GLIS3: variants seen among roughly 807,000 people sequenced by gnomAD.
GLIS3 encodes zinc finger protein GLIS3.
A neutral mutation model predicts 78.6 loss-of-function variants in GLIS3; 53 were observed. The observed-to-expected ratio is 0.67, with a 90% CI of 0.54 to 0.85. GLIS3 has a LOEUF of 0.85. Among genes scored for constraint, GLIS3 ranks in the 40% least tolerant of loss-of-function variants. The pLI is 0.00. For synonymous variants in GLIS3, 684 were observed against 509.9 expected (o/e 1.34, Z -4.60); for missense variants, 1,703 against 1,231.1 (o/e 1.38, Z -5.74).
At chr9:4,461,992 A>G in the GLIS3 span, among the ~76,000 whole-genome samples, 1 of 152,240 alleles carries the variant, frequency 6.6e-6, no homozygotes, top group East Asian at 1.9e-4. Flanking sequence ...AAAAACTATA[A>G]GATCTACAAA....
At chr9:4,317,404 G>A (rs902256184) in intron 2 of GLIS3, among the ~76,000 whole-genome samples, 4 of 152,100 alleles carry the variant, frequency 2.6e-5, no homozygotes, top group Admixed American at 6.5e-5. Context: ...CACATTTCCC[G>A]AGACATTCTT....
Position 3,943,003 on chromosome 9 carries a change from GA to G in GLIS3, c.1711-5815del, listed in dbSNP as rs1005213807. On this transcript the variant is annotated intron_variant, in intron 4 of 10. Transcript: ENST00000381971. Reference sequence around the variant, plus strand: ...TAAAATTTAGGTGGGAAGATAATAGGAAAAAAAAAAAGTAGAAGAAAGGTCA... The same window carrying G: ...TAAAATTTAGGTGGGAAGATAATAGGAAAAAAAAAAGTAGAAGAAAGGTCA... Among the ~76,000 whole-genome samples, 828 of 144,778 alleles carry G rather than the reference GA, an allele frequency of 5.7e-3. 6 individuals are homozygous for G. Among genetic ancestry groups the G allele is most frequent in the African/African-American group, 0.019 (757 of 39,860 alleles). The allele number at this position is 144,778 out of a possible 152,430, so 95.0% of individuals were successfully genotyped here.
chr9:3,978,607 C>T (rs1818974547), intron 4 of GLIS3, among the ~76,000 whole-genome samples: 1 of 151,592 alleles, frequency 6.6e-6, no homozygotes, highest in Non-Finnish European at 1.5e-5. Context: ...GATTATTTTG[C>T]AATGTTATGT....
intron 2 of GLIS3, among the ~76,000 whole-genome samples, chr9:4,171,225 T>C (rs1816345312): frequency 6.6e-6 from 1 of 152,204 alleles, no homozygotes; most frequent in African/African-American, 2.4e-5. Flanking sequence ...AAGTACACTC[T>C]TCACCATAAC....
At chr9:3,932,553 T>G in intron 5 of GLIS3, 83 bp from the exon 6 acceptor site, 1 of 991,722 alleles carries the variant, frequency 1.0e-6, no homozygotes, top group Non-Finnish European at 1.6e-6. Flanking sequence ...ACTATTGACT[T>G]CAGAGCATGA....
At chr9:4,231,930 C>T (rs925206045) in intron 2 of GLIS3, among the ~76,000 whole-genome samples, 3 of 152,198 alleles carry the variant, frequency 2.0e-5, no homozygotes, top group Admixed American at 2.0e-4. Flanking sequence ...GTTAAAGCCC[C>T]ACCCTCTGAT....
intron 4 of GLIS3, among the ~76,000 whole-genome samples, chr9:4,096,738 A>T (rs1417488365): frequency 6.6e-6 from 1 of 152,180 alleles, no homozygotes; most frequent in Non-Finnish European, 1.5e-5. Flanking sequence ...TTGGCCAGAC[A>T]TGGTGGCTCA....
intron 4 of GLIS3, among the ~76,000 whole-genome samples, chr9:3,965,062 A>T (rs1817829176): frequency 6.6e-6 from 1 of 152,106 alleles, no homozygotes; most frequent in African/African-American, 2.4e-5. Context: ...CAGTTTCACA[A>T]CTGTCATGCT....
intron 2 of GLIS3, among the ~76,000 whole-genome samples, chr9:4,272,696 C>G (rs1397748171): frequency 6.6e-6 from 1 of 152,184 alleles, no homozygotes; most frequent in African/African-American, 2.4e-5. Context: ...CTAATAATCA[C>G]TCACTGGCCC....
intron 4 of GLIS3, among the ~76,000 whole-genome samples, chr9:3,965,193 C>CTTTTTTTTTTTTTTTTTTTTTTTTTTTTT (rs34951383): frequency 3.0e-5 from 3 of 100,154 alleles, no homozygotes; most frequent in African/African-American, 7.9e-5. Context: ...CTTTTCTTTT[C>CTTTTTTTTTTTTTTTTTTTTTTTTTTTTT]TTTTTTTTTT....
At chr9:4,090,563 G>A (rs1829413800) in intron 4 of GLIS3, among the ~76,000 whole-genome samples, 1 of 152,152 alleles carries the variant, frequency 6.6e-6, no homozygotes, top group Admixed American at 6.6e-5. Context: ...ATAGCAGTTG[G>A]ACCACCTGGT....
chr9:4,110,647 G>C (rs1831132900), intron 4 of GLIS3, among the ~76,000 whole-genome samples: 1 of 152,134 alleles, frequency 6.6e-6, no homozygotes, highest in South Asian at 2.1e-4. Context: ...GCTTCCCAGA[G>C]TTAAAGCAGA....
At chr9:4,472,200 G>A in the GLIS3 span, among the ~76,000 whole-genome samples, 10 of 152,180 alleles carry the variant, frequency 6.6e-5, no homozygotes, top group Non-Finnish European at 1.2e-4. Flanking sequence ...ACAGTGTGGC[G>A]ATTCCTCAAG....
rs549403541 is a variant in GLIS3, at chr9:4,191,128, A to C, written c.389-65187T>G. 2.0e-5 allele frequency among the ~76,000 whole-genome samples: 3 copies of C among 151,116 alleles called. No individual in the cohort carries two copies. The East Asian group carries it at 5.8e-4, about 29-fold the overall frequency. On this transcript the variant is annotated intron_variant, in intron 2 of 10. Coordinates refer to ENST00000381971, the MANE Select transcript of GLIS3 (RefSeq NM_001042413.2). ...GACTAGGAAGAAACTGCATCAACTA[A>C]CGAGCAAAATAACCAGCTAACATCA...
the GLIS3 span, among the ~76,000 whole-genome samples, chr9:4,477,559 T>A: frequency 6.6e-6 from 1 of 152,034 alleles, no homozygotes; most frequent in Admixed American, 6.5e-5. Flanking sequence ...GGACTGCAGA[T>A]GTGCACACCA....
At chr9:4,272,211 T>A (rs1215014727) in intron 2 of GLIS3, among the ~76,000 whole-genome samples, 2 of 152,194 alleles carry the variant, frequency 1.3e-5, no homozygotes, top group Non-Finnish European at 2.9e-5. Flanking sequence ...TTAACTCACA[T>A]AGACACAAAC....
intron 2 of GLIS3, among the ~76,000 whole-genome samples, chr9:4,238,807 G>A (rs1587098245): frequency 6.6e-6 from 1 of 152,138 alleles, no homozygotes; most frequent in Non-Finnish European, 1.5e-5. Flanking sequence ...CATTCCGTGA[G>A]TCAAGCTTTC....
intron 7 of GLIS3, among the ~76,000 whole-genome samples, chr9:3,886,899 G>A (rs902424405): frequency 6.6e-6 from 1 of 152,200 alleles, no homozygotes; most frequent in Non-Finnish European, 1.5e-5. Flanking sequence ...TGCTGCCAAT[G>A]AGTAGAAGGA....
intron 2 of GLIS3, among the ~76,000 whole-genome samples, chr9:4,170,992 G>C (rs755710368): frequency 1.3e-5 from 2 of 152,110 alleles, no homozygotes; most frequent in African/African-American, 4.8e-5. Context: ...GGTAGCACAT[G>C]CAGATCACAC....
Sources: gnomAD v4.1 joint callset for allele counts (sites outside exome capture counted in the v4.1 genomes callset) on GRCh38, gnomAD v4.1.1 for gene constraint, MANE v1.5 for transcripts, NCBI Gene and HGNC (gene_info 2026-07-23, HGNC 2026-07-21) for gene names.